The following RBFOX3 variants were observed in gnomAD, a reference collection of about 807,000 sequenced individuals.
RBFOX3 encodes RNA binding protein fox-1 homolog 3.
In RBFOX3, 17 loss-of-function variants were observed where a neutral mutation model predicts 48.7. That is an observed-to-expected ratio of 0.35 (90% confidence interval 0.24 to 0.52). The LOEUF is 0.52. RBFOX3 is among the 20% of genes least tolerant of loss of function. RBFOX3 has a pLI of 0.94. For synonymous variants in RBFOX3, 212 were observed against 209.5 expected (o/e 1.01, Z -0.10); for missense variants, 382 against 497.5 (o/e 0.77, Z 2.21).
chr17:79,397,931 G>A (rs1598516018), intron 2 of RBFOX3, among the ~76,000 whole-genome samples: 2 of 152,130 alleles, frequency 1.3e-5, no homozygotes, highest in South Asian at 2.1e-4. Flanking sequence ...ACCGTGAGAC[G>A]CCGTCACGAA....
intron 2 of RBFOX3, among the ~76,000 whole-genome samples, chr17:79,353,878 G>T (rs1442619236): frequency 2.6e-5 from 4 of 152,108 alleles, no homozygotes; most frequent in African/African-American, 4.8e-5. Flanking sequence ...TGTGCAGTGG[G>T]GGCCGCTCCC....
intron 3 of RBFOX3, among the ~76,000 whole-genome samples, chr17:79,260,944 C>T (rs2065658478): frequency 6.6e-6 from 1 of 152,162 alleles, no homozygotes; most frequent in East Asian, 1.9e-4. Flanking sequence ...CCACCCAGGG[C>T]CTTTGCACCA....
At chr17:79,169,993 G>C (rs773102042) in intron 4 of RBFOX3, among the ~76,000 whole-genome samples, 3 of 151,688 alleles carry the variant, frequency 2.0e-5, no homozygotes, top group Non-Finnish European at 4.4e-5. Context: ...AAAAAAGGAG[G>C]AAAAGTGGGA....
intron 4 of RBFOX3, among the ~76,000 whole-genome samples, chr17:79,180,760 C>A (rs560002933): frequency 2.7e-5 from 4 of 150,918 alleles, no homozygotes; most frequent in Non-Finnish European, 4.4e-5. Flanking sequence ...GCATTCTAGA[C>A]CTTTCCGGAG....
chr17:79,092,955 A>AGG (rs756508900), intron 14 of RBFOX3, among the ~76,000 whole-genome samples: 11 of 135,522 alleles, frequency 8.1e-5, no homozygotes, highest in Non-Finnish European at 1.7e-4. Flanking sequence ...GTCCTTATGC[A>AGG]GAGGGGGGGT....
chr17:79,358,554 G>A (rs543221152), intron 2 of RBFOX3, among the ~76,000 whole-genome samples: 8 of 152,218 alleles, frequency 5.3e-5, no homozygotes, highest in East Asian at 1.9e-4. Flanking sequence ...TCTACCTCCC[G>A]GGTTCAAGCA....
At chr17:79,296,552 C>T (rs950215165) in intron 3 of RBFOX3, among the ~76,000 whole-genome samples, 4 of 152,042 alleles carry the variant, frequency 2.6e-5, no homozygotes, top group African/African-American at 7.2e-5. Flanking sequence ...AACCCCTCCC[C>T]GGGGAGCCGG....
At chr17:79,555,909 T>C (rs1456252202) in intron 1 of RBFOX3, among the ~76,000 whole-genome samples, 1 of 142,586 alleles carries the variant, frequency 7.0e-6, no homozygotes, top group African/African-American at 2.6e-5. Flanking sequence ...GCAGCAATGG[T>C]GTTGGCAACA....
chr17:79,292,578 A>G (rs926500672), intron 3 of RBFOX3, among the ~76,000 whole-genome samples: 1 of 123,408 alleles, frequency 8.1e-6, no homozygotes, highest in African/African-American at 3.6e-5. Context: ...ACACACACAC[A>G]CACATGCACA....
intron 1 of RBFOX3, among the ~76,000 whole-genome samples, chr17:79,607,032 T>C (rs1209761984): frequency 2.6e-5 from 4 of 152,154 alleles, no homozygotes; most frequent in Non-Finnish European, 5.9e-5. Flanking sequence ...GAATGTTTCA[T>C]GAGCCTGTGA....
At chr17:79,145,920 A>G (rs1057262588) in intron 4 of RBFOX3, among the ~76,000 whole-genome samples, 11 of 150,876 alleles carry the variant, frequency 7.3e-5, no homozygotes, top group Middle Eastern at 6.3e-3. Context: ...CGCCGGGGGC[A>G]GGGGGGTGGT....
intron 2 of RBFOX3, among the ~76,000 whole-genome samples, chr17:79,389,249 T>C (rs1408834558): frequency 6.6e-6 from 1 of 152,146 alleles, no homozygotes; most frequent in Non-Finnish European, 1.5e-5. Flanking sequence ...CAACGAGAGT[T>C]GGTGGTTATG....
chr17:79,378,007 CATTTTTAT>C (rs2059423048), intron 2 of RBFOX3, among the ~76,000 whole-genome samples: 1 of 152,194 alleles, frequency 6.6e-6, no homozygotes, highest in Non-Finnish European at 1.5e-5. Flanking sequence ...GGAATATATT[CATTTTTAT>C]ACCAATGCAG....
chr17:79,432,689 G>GA (rs1350893766), intron 2 of RBFOX3, among the ~76,000 whole-genome samples: 7 of 151,860 alleles, frequency 4.6e-5, no homozygotes, highest in Non-Finnish European at 1.0e-4. Flanking sequence ...TTACTGATGA[G>GA]AAACCAGGGA....
rs557239872 is a variant in RBFOX3, at chr17:79,138,889, C to T, written c.-33-23141G>A. The stretch of plus-strand genomic sequence containing the variant: ...CCTCTCACCCACACACGCAGGCATA[C>T]AGCAATGCATTCACACCCTCACCCG... On this transcript the variant is annotated intron_variant, in intron 4 of 14. Coordinates refer to ENST00000693108, the MANE Select transcript of RBFOX3 (RefSeq NM_001350451.2). 5.5e-5 allele frequency among the ~76,000 whole-genome samples: 5 copies of T among 91,266 alleles called. No individual in the cohort carries two copies. In the South Asian group the frequency reaches 2.1e-3, roughly 38 times the overall value. The allele number at this position is 91,266 out of a possible 152,430, so 59.9% of individuals were successfully genotyped here. A position where few individuals can be genotyped will look rare whatever the true frequency, so the allele number is the denominator to read the frequency against.
chr17:79,381,394 T>G (rs976472009), intron 2 of RBFOX3, among the ~76,000 whole-genome samples: 2 of 152,252 alleles, frequency 1.3e-5, no homozygotes, highest in African/African-American at 4.8e-5. Context: ...GTACATGTTT[T>G]TCTTTGTACG....
At chr17:79,206,287 T>A (rs1296249934) in intron 4 of RBFOX3, among the ~76,000 whole-genome samples, 1 of 152,070 alleles carries the variant, frequency 6.6e-6, no homozygotes, top group African/African-American at 2.4e-5. Context: ...GGAATACAGC[T>A]CTAGCCTAAC....
intron 4 of RBFOX3, among the ~76,000 whole-genome samples, chr17:79,180,467 A>G (rs1163068227): frequency 6.6e-6 from 1 of 152,168 alleles, no homozygotes; most frequent in Non-Finnish European, 1.5e-5. Flanking sequence ...TACAGCCTAC[A>G]TATGGTGCCA....
chr17:79,485,413 G>A lies in RBFOX3; in HGVS notation c.-319-2815C>T, dbSNP rs375367171. Among the ~76,000 whole-genome samples the A allele has an allele frequency of 2.1e-4, 32 of 152,204 alleles. No homozygotes were observed. In the South Asian group the frequency reaches 6.0e-3, roughly 29 times the overall value. On this transcript the variant is annotated intron_variant, in intron 1 of 14. Coordinates refer to ENST00000693108, the MANE Select transcript of RBFOX3 (RefSeq NM_001350451.2). Reference sequence around the variant, plus strand: ...AATTAGAGGGAGCAAAGACAGGGTCGGGAGATGTGATGAAAGAACCCAAGA... The same window carrying A: ...AATTAGAGGGAGCAAAGACAGGGTCAGGAGATGTGATGAAAGAACCCAAGA...
Sources: allele counts gnomAD v4.1 joint callset (sites outside exome capture counted in the v4.1 genomes callset), GRCh38; gene constraint gnomAD v4.1.1; transcripts MANE v1.5; gene names NCBI Gene and HGNC (gene_info 2026-07-23, HGNC 2026-07-21).